NXPH1: variants seen among roughly 807,000 people sequenced by gnomAD.
NXPH1 encodes the protein neurexophilin 1.
Under a neutral mutation model 23.7 loss-of-function variants are expected in NXPH1, and 5 were observed. The observed-to-expected ratio is 0.21, with a 90% CI of 0.11 to 0.44. NXPH1 has a LOEUF of 0.44. NXPH1 is among the 20% of genes least tolerant of loss of function. The pLI is 0.99. For synonymous variants in NXPH1, 144 were observed against 122.2 expected (o/e 1.18, Z -1.18); for missense variants, 324 against 321.6 (o/e 1.01, Z -0.06).
intron 2 of NXPH1, among the ~76,000 whole-genome samples, chr7:8,631,090 T>G (rs539032256): frequency 6.6e-6 from 1 of 152,200 alleles, no homozygotes; most frequent in African/African-American, 2.4e-5. Flanking sequence ...TGTATGTCCC[T>G]GCAAAGGACA....
intron 2 of NXPH1, among the ~76,000 whole-genome samples, chr7:8,584,038 T>C (rs1250048634): frequency 6.6e-6 from 1 of 152,246 alleles, no homozygotes; most frequent in Non-Finnish European, 1.5e-5. Context: ...TAATTTTTCT[T>C]CAGATATTAC....
At chr7:8,516,895 C>G (rs1817695486) in intron 2 of NXPH1, among the ~76,000 whole-genome samples, 1 of 152,208 alleles carries the variant, frequency 6.6e-6, no homozygotes, top group East Asian at 1.9e-4. Flanking sequence ...CAGATCTTTT[C>G]CCTTCATGAT....
At chr7:8,642,991 A>G (rs1356616598) in intron 2 of NXPH1, among the ~76,000 whole-genome samples, 1 of 151,942 alleles carries the variant, frequency 6.6e-6, no homozygotes, top group Admixed American at 6.6e-5. Context: ...CAGCCTCCCA[A>G]GTAGCTGGAA....
intron 2 of NXPH1, among the ~76,000 whole-genome samples, chr7:8,733,777 G>T (rs1780198902): frequency 6.6e-6 from 1 of 152,090 alleles, no homozygotes; most frequent in South Asian, 2.1e-4. Context: ...CTGGATATTA[G>T]CCCTTTGTCA....
At chr7:8,616,621 G>A (rs1426787260) in intron 2 of NXPH1, among the ~76,000 whole-genome samples, 1 of 152,006 alleles carries the variant, frequency 6.6e-6, no homozygotes, top group Non-Finnish European at 1.5e-5. Flanking sequence ...AGAGAGCGAA[G>A]CATATGTAAG....
At chr7:8,642,579 C>G (rs1192604980) in intron 2 of NXPH1, among the ~76,000 whole-genome samples, 1 of 151,960 alleles carries the variant, frequency 6.6e-6, no homozygotes, top group Non-Finnish European at 1.5e-5. Flanking sequence ...TTAATGTTGC[C>G]TTTTTGACCA....
intron 2 of NXPH1, among the ~76,000 whole-genome samples, chr7:8,463,340 G>A (rs567723548): frequency 6.8e-6 from 1 of 146,634 alleles, no homozygotes; most frequent in East Asian, 2.0e-4. Flanking sequence ...ATCATGAACT[G>A]TAATTTACTT....
At chr7:8,704,117 A>C (rs1779668791) in intron 2 of NXPH1, among the ~76,000 whole-genome samples, 1 of 152,132 alleles carries the variant, frequency 6.6e-6, no homozygotes, top group Non-Finnish European at 1.5e-5. Context: ...CTATGGTTAA[A>C]TTGGCAGAAA....
chr7:8,677,513 G>C (rs1359745781), intron 2 of NXPH1, among the ~76,000 whole-genome samples: 2 of 152,154 alleles, frequency 1.3e-5, no homozygotes, highest in East Asian at 3.8e-4. Flanking sequence ...GCCAGCCACA[G>C]ACATGAGTTT....
chr7:8,734,370 T>C (rs886454906), intron 2 of NXPH1, among the ~76,000 whole-genome samples: 1 of 152,150 alleles, frequency 6.6e-6, no homozygotes, highest in Non-Finnish European at 1.5e-5. Flanking sequence ...CTTTTTTGGT[T>C]CTATATGAAA....
chr7:8,596,936 A>G (rs1016304057), intron 2 of NXPH1, among the ~76,000 whole-genome samples: 4 of 152,146 alleles, frequency 2.6e-5, no homozygotes, highest in Non-Finnish European at 5.9e-5. Flanking sequence ...CAGGAATCCT[A>G]TAGAAAAGGA....
intron 2 of NXPH1, among the ~76,000 whole-genome samples, chr7:8,659,650 G>T (rs1820639977): frequency 6.6e-6 from 1 of 152,150 alleles, no homozygotes; most frequent in Non-Finnish European, 1.5e-5. Flanking sequence ...GTTAATGGGT[G>T]CAGCATACCA....
Position 8,648,050 on chromosome 7 carries a change from A to G in NXPH1, c.55-102958A>G, listed in dbSNP as rs148136868. ...ATTTTTGTGGATACATACTAAGTGT[A>G]TATATTTATAGGGTACATGGGATGT... is the stretch of plus-strand genomic sequence containing the variant. On this transcript the variant is annotated intron_variant, in intron 2 of 2. Coordinates refer to ENST00000405863, the MANE Select transcript of NXPH1 (RefSeq NM_152745.3). Among the ~76,000 whole-genome samples, 310 of 152,282 alleles carry G rather than the reference A, an allele frequency of 2.0e-3. 2 individuals are homozygous for G. Among genetic ancestry groups the G allele is most frequent in the African/African-American group, 6.9e-3 (287 of 41,548 alleles).
intron 2 of NXPH1, among the ~76,000 whole-genome samples, chr7:8,638,795 A>G (rs1378621841): frequency 6.6e-6 from 1 of 152,192 alleles, no homozygotes; most frequent in Admixed American, 6.5e-5. Flanking sequence ...AATATAACCC[A>G]TCTTGGCTGC....
Position 8,476,997 on chromosome 7 carries a change from AAGAC to A in NXPH1, c.54+41232_54+41235del, listed in dbSNP as rs201421627. Among the ~76,000 whole-genome samples, 40 of 152,292 alleles carry A rather than the reference AAGAC, an allele frequency of 2.6e-4. No individual in the cohort carries two copies. The East Asian group carries it at 6.8e-3, about 26-fold the overall frequency. ...CTAGCTGGGAATCTTATGCCAGAAG[AAGAC>A]ACCTAAGTACAAATATGTTCACGTT... On this transcript the variant is annotated intron_variant, in intron 2 of 2. Coordinates refer to ENST00000405863, the MANE Select transcript of NXPH1 (RefSeq NM_152745.3).
intron 2 of NXPH1, among the ~76,000 whole-genome samples, chr7:8,695,938 C>T (rs534646320): frequency 9.2e-5 from 14 of 152,088 alleles, no homozygotes; most frequent in Non-Finnish European, 1.5e-4. Flanking sequence ...TATTGATGTA[C>T]TCCTTAAAAC....
At chr7:8,589,976 G>A (rs1423540021) in intron 2 of NXPH1, among the ~76,000 whole-genome samples, 1 of 152,068 alleles carries the variant, frequency 6.6e-6, no homozygotes, top group South Asian at 2.1e-4. Flanking sequence ...ATGGGGTTAG[G>A]GGTTCAAAGT....
At chr7:8,515,451 A>G (rs1192707265) in intron 2 of NXPH1, among the ~76,000 whole-genome samples, 1 of 152,170 alleles carries the variant, frequency 6.6e-6, no homozygotes, top group Non-Finnish European at 1.5e-5. Flanking sequence ...ATACTTGAAC[A>G]GTTGGTTAAA....
chr7:8,716,208 T>C (rs1294260218), intron 2 of NXPH1, among the ~76,000 whole-genome samples: 1 of 152,146 alleles, frequency 6.6e-6, no homozygotes, highest in African/African-American at 2.4e-5. Flanking sequence ...TACCTAAAAA[T>C]TTCACATCTT....
Sources: allele counts gnomAD v4.1 joint callset (sites outside exome capture counted in the v4.1 genomes callset), GRCh38; gene constraint gnomAD v4.1.1; transcripts MANE v1.5; gene names NCBI Gene and HGNC (gene_info 2026-07-23, HGNC 2026-07-21).